ANTXR1: variants seen among roughly 807,000 people sequenced by gnomAD.
The protein encoded by ANTXR1 is anthrax toxin receptor 1.
In ANTXR1, 19 loss-of-function variants were observed where a neutral mutation model predicts 78.1. The observed-to-expected ratio is 0.24, with a 90% confidence interval of 0.17 to 0.36. The LOEUF is 0.36. ANTXR1 is among the 10% of genes least tolerant of loss of function. The probability of loss-of-function intolerance (pLI) is 1.00; values close to 1 mark genes in which losing one functional copy is unlikely to be tolerated. For synonymous variants in ANTXR1, 273 were observed against 260.5 expected, an observed-to-expected ratio of 1.05 and a Z score of -0.46; for missense variants, 518 against 718.6, an observed-to-expected ratio of 0.72 and a Z score of 3.19.
At chr2:69,053,040 A>C (rs1467157942) in intron 3 of ANTXR1, among the ~76,000 whole-genome samples, 1 of 152,228 alleles carries the variant, frequency 6.6e-6, no homozygotes, top group East Asian at 1.9e-4. Flanking sequence ...CAACATAAAT[A>C]TAAATTAGAA....
At chr2:69,240,522 G>A (rs931522482) in intron 17 of ANTXR1, among the ~76,000 whole-genome samples, 6 of 152,202 alleles carry the variant, frequency 3.9e-5, no homozygotes, top group Non-Finnish European at 5.9e-5. Flanking sequence ...TATTTTAAAG[G>A]TGATGGGGAA....
rs1469423201 is a variant in ANTXR1, at chr2:69,209,338, CT to C, written c.1434+15924del. Reference sequence around the variant, plus strand: ...ATTTTCTAATATATTTATTCTGACCCTGTGACACAGTTGTTCCCATTCCTGT... The same window carrying C: ...ATTTTCTAATATATTTATTCTGACCCGTGACACAGTTGTTCCCATTCCTGT... On this transcript the variant is annotated intron_variant, in intron 17 of 17. Transcript: ENST00000303714. Among the ~76,000 whole-genome samples, 18 of 152,340 alleles carry C rather than the reference CT, an allele frequency of 1.2e-4. 1 individual carries two copies. The South Asian group carries it at 2.5e-3, about 21-fold the overall frequency.
chr2:69,087,931 T>A (rs1339291668), intron 8 of ANTXR1, among the ~76,000 whole-genome samples: 1 of 152,174 alleles, frequency 6.6e-6, no homozygotes, highest in Non-Finnish European at 1.5e-5. Context: ...ACCAGACATT[T>A]CAAATGAGTA....
At position 69,185,649 on chromosome 2, in the gene ANTXR1, T is replaced by C. The variant is rs563921858; in HGVS notation, c.1353+2989T>C. 5.9e-5 allele frequency among the ~76,000 whole-genome samples: 9 copies of C among 152,208 alleles called. No individual in the cohort carries two copies. In the East Asian group the frequency reaches 1.5e-3, roughly 26 times the overall value. On this transcript the variant is annotated intron_variant, in intron 16 of 17. Coordinates refer to ENST00000303714, the MANE Select transcript of ANTXR1 (RefSeq NM_032208.3). ...GCAGGAACTGTGGTGCCTGGATTGT[T>C]AAAATAGGCAAAGAGGCCATGATTG...
At chr2:69,226,651 C>T (rs983939242) in intron 17 of ANTXR1, among the ~76,000 whole-genome samples, 1 of 152,128 alleles carries the variant, frequency 6.6e-6, no homozygotes, top group East Asian at 1.9e-4. Context: ...CTAGGAGGAA[C>T]CATTGAAATA....
intron 10 of ANTXR1, among the ~76,000 whole-genome samples, chr2:69,121,392 A>G (rs62134400): frequency 0.15 from 22,306 of 152,246 alleles, 1,802 homozygotes; most frequent in African/African-American, 0.19. Flanking sequence ...TCTTCAATAA[A>G]TATTTGTTGA....
At chr2:69,057,329 A>C (rs1306814658) in intron 3 of ANTXR1, among the ~76,000 whole-genome samples, 2 of 152,210 alleles carry the variant, frequency 1.3e-5, no homozygotes, top group Non-Finnish European at 2.9e-5. Flanking sequence ...GTTTTTTACA[A>C]ATTGAAGGTT....
Position 69,124,662 on chromosome 2 carries a change from C to G in ANTXR1, c.951+19C>G, listed in dbSNP as rs1672470749. ...ACACTGTGTAAGTCATAACCTTTCC[C>G]TTTACTAAAGATCTCATTATCATTG... On this transcript the variant is annotated intron_variant, in intron 12 of 17. Transcript: ENST00000303714. The G allele has an allele frequency of 1.2e-6, 2 of 1,611,558 alleles. No individual in the cohort carries two copies. Among genetic ancestry groups the G allele is most frequent in the African/African-American group, 2.7e-5 (2 of 74,860 alleles).
intron 8 of ANTXR1, among the ~76,000 whole-genome samples, chr2:69,087,992 T>C (rs1423017548): frequency 1.3e-5 from 2 of 152,248 alleles, no homozygotes; most frequent in Non-Finnish European, 2.9e-5. Context: ...TGATAAATTT[T>C]ACTCTATTGG....
intron 12 of ANTXR1, among the ~76,000 whole-genome samples, chr2:69,150,404 T>C (rs1446466182): frequency 6.6e-6 from 1 of 152,142 alleles, no homozygotes; most frequent in Non-Finnish European, 1.5e-5. Flanking sequence ...GGGTACCCCA[T>C]AGATCCCCTG....
At chr2:69,087,286 T>C (rs1671083278) in intron 8 of ANTXR1, among the ~76,000 whole-genome samples, 1 of 152,228 alleles carries the variant, frequency 6.6e-6, no homozygotes, top group Non-Finnish European at 1.5e-5. Context: ...GCTCTGCCTG[T>C]GTGATCTCAT....
chr2:69,048,062 C>A (rs1414958075), intron 3 of ANTXR1, among the ~76,000 whole-genome samples: 8 of 152,072 alleles, frequency 5.3e-5, no homozygotes, highest in Admixed American at 2.0e-4. Context: ...AATTTAAGTA[C>A]TGTTAGAATA....
At chr2:69,242,317 G>C (rs914808968) in intron 17 of ANTXR1, among the ~76,000 whole-genome samples, 1 of 152,102 alleles carries the variant, frequency 6.6e-6, no homozygotes, top group Non-Finnish European at 1.5e-5. Context: ...CATCTTCAGG[G>C]GACAGATGTG....
chr2:69,029,812 A>T (rs2104025254), intron 1 of ANTXR1, among the ~76,000 whole-genome samples: 1 of 152,290 alleles, frequency 6.6e-6, no homozygotes, highest in East Asian at 1.9e-4. Flanking sequence ...AGAAAAAGAC[A>T]TGGCATAAAA....
At chr2:69,089,954 G>A (rs1051025098) in intron 8 of ANTXR1, among the ~76,000 whole-genome samples, 2 of 152,122 alleles carry the variant, frequency 1.3e-5, no homozygotes, top group African/African-American at 2.4e-5. Context: ...AAACTTAGGT[G>A]CTACCAGTGA....
intron 3 of ANTXR1, among the ~76,000 whole-genome samples, chr2:69,059,104 T>A (rs536113364): frequency 6.6e-6 from 1 of 152,224 alleles, no homozygotes; most frequent in Non-Finnish European, 1.5e-5. Context: ...CTGGTGAAGA[T>A]GCTATGAACA....
chr2:69,032,033 A>G (rs1671543943), intron 1 of ANTXR1, among the ~76,000 whole-genome samples: 1 of 152,214 alleles, frequency 6.6e-6, no homozygotes, highest in South Asian at 2.1e-4. Context: ...AAAAATATTC[A>G]TCAGAATTCT....
chr2:69,087,516 G>A (rs2104271558), intron 8 of ANTXR1, among the ~76,000 whole-genome samples: 1 of 152,234 alleles, frequency 6.6e-6, no homozygotes, highest in Middle Eastern at 3.4e-3. Context: ...AAAGTTAAGG[G>A]ATTTGTAAAG....
At chr2:69,072,173 T>A (rs1558515425) in intron 5 of ANTXR1, among the ~76,000 whole-genome samples, 2 of 152,220 alleles carry the variant, frequency 1.3e-5, no homozygotes, top group Non-Finnish European at 2.9e-5. Flanking sequence ...TTACTGTGAC[T>A]GAACATAACA....
Sources: allele counts gnomAD v4.1 joint callset (sites outside exome capture counted in the v4.1 genomes callset), GRCh38; gene constraint gnomAD v4.1.1; transcripts MANE v1.5; gene names NCBI Gene and HGNC (gene_info 2026-07-23, HGNC 2026-07-21).